Variants in TRIQK observed in about 807,000 individuals in gnomAD.
The protein encoded by TRIQK is triple QxxK/R motif-containing protein.
A neutral mutation model predicts 10.8 loss-of-function variants in TRIQK; 10 were observed. That is an observed-to-expected ratio of 0.92 (90% CI 0.57 to 1.57). TRIQK has a LOEUF of 1.57. TRIQK is among the 40% of genes most tolerant of loss of function. The pLI, the probability that TRIQK is intolerant of heterozygous loss-of-function variation, is 0.00. For missense variants in TRIQK, 107 were observed against 97.7 expected, an observed-to-expected ratio of 1.09 and a Z score of -0.40; for synonymous variants, 33 against 33.7, an observed-to-expected ratio of 0.98 and a Z score of 0.07.
upstream of TRIQK, among the ~76,000 whole-genome samples, chr8:92,968,704 C>G (rs892993246): frequency 1.3e-5 from 2 of 152,048 alleles, no homozygotes; most frequent in Admixed American, 1.3e-4. Flanking sequence ...GATATTAGCC[C>G]TTTGTCAGAT....
chr8:92,978,917 C>T (rs1040514897), intron 1 of TRIQK, among the ~76,000 whole-genome samples: 2 of 152,046 alleles, frequency 1.3e-5, no homozygotes, highest in African/African-American at 4.8e-5. Context: ...TTTTACTATT[C>T]CTGCTACTAG....
chr8:92,940,787 T>C (rs1811229699), intron 2 of TRIQK, among the ~76,000 whole-genome samples: 1 of 152,136 alleles, frequency 6.6e-6, no homozygotes. Context: ...ACCTAACAGA[T>C]GTTTACAGAA....
intron 1 of TRIQK, among the ~76,000 whole-genome samples, chr8:92,999,266 C>A (rs1024470621): frequency 3.9e-5 from 6 of 152,040 alleles, no homozygotes; most frequent in African/African-American, 1.4e-4. Flanking sequence ...TTTTTCTGTG[C>A]AAATGACATA....
chr8:92,892,907 A>C (rs1410242627), intron 3 of TRIQK, among the ~76,000 whole-genome samples: 3 of 151,988 alleles, frequency 2.0e-5, no homozygotes, highest in Non-Finnish European at 4.4e-5. Flanking sequence ...CCAACTCTTA[A>C]CTAGGAACTG....
At chr8:92,926,683 A>G (rs1014526593) in intron 2 of TRIQK, among the ~76,000 whole-genome samples, 17 of 152,222 alleles carry the variant, frequency 1.1e-4, no homozygotes, top group African/African-American at 3.9e-4. Flanking sequence ...CTTTAACAAG[A>G]AAAAGAGAAA....
intron 2 of TRIQK, 160 bp downstream of exon 2, chr8:92,954,246 C>T (rs1812058679): frequency 6.6e-6 from 1 of 151,776 alleles, no homozygotes; most frequent in African/African-American, 2.4e-5. Context: ...CAAGTAAAAA[C>T]ATTTCCTTAT....
intron 1 of TRIQK, among the ~76,000 whole-genome samples, chr8:92,994,530 G>A (rs1445193662): frequency 6.6e-6 from 1 of 151,288 alleles, no homozygotes; most frequent in African/African-American, 2.4e-5. Context: ...TTAAATAATT[G>A]TTTATTATTT....
chr8:92,932,142 G>C (rs571640597), intron 2 of TRIQK, among the ~76,000 whole-genome samples: 53 of 151,992 alleles, frequency 3.5e-4, no homozygotes, highest in African/African-American at 1.2e-3. Flanking sequence ...TCTTTCATTA[G>C]CATTCTTCCT....
intron 1 of TRIQK, among the ~76,000 whole-genome samples, chr8:93,013,210 C>A (rs1255618549): frequency 6.6e-6 from 1 of 152,126 alleles, no homozygotes; most frequent in African/African-American, 2.4e-5. Context: ...AGAAAATTCC[C>A]AATTAAAGAG....
intron 1 of TRIQK, among the ~76,000 whole-genome samples, chr8:92,954,767 C>T (rs913083486): frequency 6.6e-6 from 1 of 151,792 alleles, no homozygotes; most frequent in African/African-American, 2.4e-5. Context: ...TAACAAGGCA[C>T]ATTTTTATAT....
intron 2 of TRIQK, among the ~76,000 whole-genome samples, chr8:92,931,487 T>C (rs916167495): frequency 6.6e-6 from 1 of 152,160 alleles, no homozygotes; most frequent in Non-Finnish European, 1.5e-5. Flanking sequence ...ATGCACATTA[T>C]CATCCCAAGA....
chr8:92,895,856 A>C (rs1808564411), intron 3 of TRIQK, among the ~76,000 whole-genome samples: 1 of 152,286 alleles, frequency 6.6e-6, no homozygotes, highest in Admixed American at 6.5e-5. Flanking sequence ...TAAAAGGTAA[A>C]ATTTACAATT....
At chr8:92,968,382 C>T (rs1038055420), upstream of TRIQK, among the ~76,000 whole-genome samples, 4 of 152,156 alleles carry the variant, frequency 2.6e-5, no homozygotes, top group African/African-American at 9.7e-5. Context: ...ACCACACTGT[C>T]TTCTACAATG....
intron 4 of TRIQK, among the ~76,000 whole-genome samples, chr8:92,887,502 GTATA>G (rs1477717096): frequency 6.6e-6 from 1 of 150,966 alleles, no homozygotes; most frequent in Non-Finnish European, 1.5e-5. Context: ...GTATGTATAT[GTATA>G]TATCTCTGTG....
chr8:92,889,751 A>G (rs1816669220), intron 4 of TRIQK, among the ~76,000 whole-genome samples: 1 of 151,664 alleles, frequency 6.6e-6, no homozygotes, highest in African/African-American at 2.4e-5. Flanking sequence ...ATTATGAGGT[A>G]AATGGCAAAA....
intron 1 of TRIQK, among the ~76,000 whole-genome samples, chr8:93,002,523 ATT>A (rs1316373834): frequency 5.9e-5 from 9 of 152,230 alleles, no homozygotes; most frequent in Non-Finnish European, 1.3e-4. Flanking sequence ...GAACAAAAGC[ATT>A]GGACACATAC....
At chr8:92,987,992 T>C (rs908781335) in intron 1 of TRIQK, among the ~76,000 whole-genome samples, 2 of 146,614 alleles carry the variant, frequency 1.4e-5, no homozygotes, top group South Asian at 2.1e-4. Context: ...GTTCATACTT[T>C]ATACTTTCTT....
At chr8:92,962,988 A>G (rs1586507773) in intron 1 of TRIQK, among the ~76,000 whole-genome samples, 4 of 152,336 alleles carry the variant, frequency 2.6e-5, no homozygotes, top group Middle Eastern at 3.4e-3. Flanking sequence ...GTTGAAGTTG[A>G]TATGGCAGGC....
chr8:92,957,542 T>A (rs1296806046), intron 1 of TRIQK, among the ~76,000 whole-genome samples: 1 of 151,916 alleles, frequency 6.6e-6, no homozygotes, highest in Non-Finnish European at 1.5e-5. Context: ...CAAACAAACG[T>A]ATTAATTTTA....
Sources: gnomAD v4.1 joint callset for allele counts (sites outside exome capture counted in the v4.1 genomes callset) on GRCh38, gnomAD v4.1.1 for gene constraint, MANE v1.5 for transcripts, NCBI Gene and HGNC (gene_info 2026-07-23, HGNC 2026-07-21) for gene names.